STMN2: variants seen among roughly 807,000 people sequenced by gnomAD.
STMN2 encodes the protein stathmin 2.
A neutral mutation model predicts 24.1 loss-of-function variants in STMN2; 2 were observed. The ratio of observed to expected loss-of-function variants is 0.08; its 90% confidence interval spans 0.03 to 0.26. STMN2 has a LOEUF of 0.26. Among genes scored for constraint, STMN2 ranks in the 10% least tolerant of loss-of-function variants. STMN2 has a pLI of 1.00. For synonymous variants in STMN2, 83 were observed against 77.5 expected, an observed-to-expected ratio of 1.07 and a Z score of -0.37; for missense variants, 114 against 213.6, an observed-to-expected ratio of 0.53 and a Z score of 2.91.
intron 1 of STMN2, among the ~76,000 whole-genome samples, chr8:79,625,204 T>C (rs1809623999): frequency 1.3e-5 from 2 of 152,196 alleles, no homozygotes; most frequent in Admixed American, 1.3e-4. Context: ...TGAACTGTTT[T>C]TTATTTTTTG....
intron 1 of STMN2, chr8:79,613,596 G>T (rs1337958763): frequency 1.0e-6 from 1 of 985,354 alleles, no homozygotes; most frequent in African/African-American, 1.7e-5. Flanking sequence ...GTCATCATCA[G>T]TATTATTATC....
intron 1 of STMN2, among the ~76,000 whole-genome samples, chr8:79,627,439 C>A (rs777379383): frequency 6.6e-6 from 1 of 152,186 alleles, no homozygotes; most frequent in Non-Finnish European, 1.5e-5. Flanking sequence ...CCAGTCATAG[C>A]AACATGTAGT....
At chr8:79,622,781 T>G (rs1210926493) in intron 1 of STMN2, among the ~76,000 whole-genome samples, 1 of 151,332 alleles carries the variant, frequency 6.6e-6, no homozygotes, top group Non-Finnish European at 1.5e-5. Flanking sequence ...ACTTTAGAAA[T>G]ATTAAAATAC....
At chr8:79,623,770 G>A (rs1429045639) in intron 1 of STMN2, among the ~76,000 whole-genome samples, 2 of 151,808 alleles carry the variant, frequency 1.3e-5, no homozygotes, top group African/African-American at 2.4e-5. Context: ...AAGCAGGAGA[G>A]TTCAGCTTAT....
chr8:79,624,546 T>A (rs1259459852), intron 1 of STMN2, among the ~76,000 whole-genome samples: 4 of 150,656 alleles, frequency 2.7e-5, no homozygotes, highest in Non-Finnish European at 5.9e-5. Flanking sequence ...CTTGCATAGC[T>A]GAAAAGAATA....
intron 1 of STMN2, among the ~76,000 whole-genome samples, chr8:79,630,648 T>TAAAAAGTAATAGGGA (rs1440292556): frequency 3.3e-5 from 5 of 152,204 alleles, no homozygotes; most frequent in Admixed American, 3.3e-4. Context: ...TGAAATCACT[T>TAAAAAGTAATAGGGA]GGGTGCTACA....
At chr8:79,646,942 G>T (rs1481764018) in intron 3 of STMN2, among the ~76,000 whole-genome samples, 1 of 152,142 alleles carries the variant, frequency 6.6e-6, no homozygotes, top group African/African-American at 2.4e-5. Flanking sequence ...CTAAGGGTTT[G>T]GACTAGTGGA....
Position 79,654,584 on chromosome 8 carries a change from A to G in STMN2, c.289-287A>G, listed in dbSNP as rs537662635. Reference sequence around the variant, plus strand: ...TCTGTTGCATAAACGCTTAGCAACAAAGCCTTTTTTTAAAAAAATTTGTAA... The same window carrying G: ...TCTGTTGCATAAACGCTTAGCAACAGAGCCTTTTTTTAAAAAAATTTGTAA... On this transcript the variant is annotated intron_variant, in intron 3 of 4. Transcript: ENST00000220876. Among the ~76,000 whole-genome samples the G allele has an allele frequency of 6.6e-5, 10 of 152,308 alleles. No individual in the cohort carries two copies. In the South Asian group the frequency reaches 2.1e-3, roughly 32 times the overall value.
intron 1 of STMN2, chr8:79,631,313 A>T: frequency 2.2e-6 from 1 of 445,288 alleles, no homozygotes; most frequent in Non-Finnish European, 3.0e-6. Flanking sequence ...TGACCTTCTT[A>T]AATGTCCCTT....
In STMN2 at chr8:79,619,530, A is replaced by G. The variant is rs140752138; in HGVS notation, c.19+8316A>G. On this transcript the variant is annotated intron_variant, in intron 1 of 4. Coordinates refer to ENST00000220876, the MANE Select transcript of STMN2 (RefSeq NM_007029.4). ...CCCAACTTATAATATATTGACTGTT[A>G]CAAAACTGAGACCAGAAAATCCCAT... is the stretch of plus-strand genomic sequence containing the variant. 6.0e-4 allele frequency among the ~76,000 whole-genome samples: 92 copies of G among 152,300 alleles called. No homozygotes were observed. In the East Asian group the frequency reaches 0.016, roughly 26 times the overall value.
At chr8:79,631,240 A>C (rs1211500628) in intron 1 of STMN2, among the ~76,000 whole-genome samples, 1 of 152,228 alleles carries the variant, frequency 6.6e-6, no homozygotes, top group Non-Finnish European at 1.5e-5. Flanking sequence ...CTAAGAATAC[A>C]TCAAATTGAA....
chr8:79,640,901 A>T (rs1810081459), intron 2 of STMN2, among the ~76,000 whole-genome samples: 1 of 152,198 alleles, frequency 6.6e-6, no homozygotes, highest in South Asian at 2.1e-4. Flanking sequence ...TGGTGCATGC[A>T]TATATACGCA....
At chr8:79,619,302 A>G (rs34038511) in intron 1 of STMN2, among the ~76,000 whole-genome samples, 16,048 of 152,200 alleles carry the variant, frequency 0.11, 1,164 homozygotes, top group Non-Finnish European at 0.16. Context: ...AGTCCCACAA[A>G]TACTTTTACA....
intron 1 of STMN2, chr8:79,620,960 G>A: frequency 1.0e-6 from 1 of 985,172 alleles, no homozygotes; most frequent in Non-Finnish European, 1.2e-6. Flanking sequence ...ACCTAAAACA[G>A]CAGTGACCTG....
At chr8:79,648,712 C>T (rs1810270137) in intron 3 of STMN2, among the ~76,000 whole-genome samples, 1 of 152,072 alleles carries the variant, frequency 6.6e-6, no homozygotes, top group African/African-American at 2.4e-5. Flanking sequence ...ATCCACCCAC[C>T]TCAGCCTTCC....
intron 1 of STMN2, among the ~76,000 whole-genome samples, chr8:79,628,095 C>T (rs1357276911): frequency 6.6e-6 from 1 of 152,004 alleles, no homozygotes; most frequent in Non-Finnish European, 1.5e-5. Context: ...CATACTGATT[C>T]CACTTTGATG....
intron 4 of STMN2, among the ~76,000 whole-genome samples, chr8:79,662,239 T>C (rs1271835919): frequency 6.6e-6 from 1 of 152,120 alleles, no homozygotes; most frequent in Admixed American, 6.5e-5. Context: ...TCCTTTATAT[T>C]GATGGGAGGA....
chr8:79,658,590 C>T (rs567109424), intron 4 of STMN2, among the ~76,000 whole-genome samples: 5 of 152,292 alleles, frequency 3.3e-5, no homozygotes, highest in African/African-American at 1.2e-4. Flanking sequence ...GGTCACTACA[C>T]CATGCGCCCA....
intron 1 of STMN2, among the ~76,000 whole-genome samples, chr8:79,629,714 C>T (rs1480149025): frequency 1.3e-5 from 2 of 152,150 alleles, no homozygotes; most frequent in Non-Finnish European, 2.9e-5. Flanking sequence ...TCATTCATTT[C>T]CTAAGACAAC....
Sources: allele counts gnomAD v4.1 joint callset (sites outside exome capture counted in the v4.1 genomes callset), GRCh38; gene constraint gnomAD v4.1.1; transcripts MANE v1.5; gene names NCBI Gene and HGNC (gene_info 2026-07-23, HGNC 2026-07-21).